Variants in NSMCE2 observed in about 807,000 individuals in gnomAD.
The protein encoded by NSMCE2 is E3 SUMO-protein ligase NSE2.
In NSMCE2, 24 loss-of-function variants were observed where a neutral mutation model predicts 23.8. That is an observed-to-expected ratio of 1.01 (90% CI 0.73 to 1.42). The LOEUF is 1.42. Among genes scored for constraint, NSMCE2 ranks in the 40% most tolerant of loss-of-function variants. The pLI is 0.00. For synonymous variants in NSMCE2, 92 were observed against 94.1 expected (o/e 0.98, Z 0.13); for missense variants, 284 against 296.5 (o/e 0.96, Z 0.31).
chr8:125,218,350 C>T (rs1326456710), intron 5 of NSMCE2, among the ~76,000 whole-genome samples: 1 of 151,426 alleles, frequency 6.6e-6, no homozygotes. Context: ...AGTCACTGTG[C>T]TATTCAAATA....
At chr8:125,162,671 G>C (rs1821687024) in intron 4 of NSMCE2, among the ~76,000 whole-genome samples, 2 of 152,064 alleles carry the variant, frequency 1.3e-5, no homozygotes, top group African/African-American at 4.8e-5. Flanking sequence ...TGCTATATAA[G>C]GGCAAGGTCT....
chr8:125,148,867 A>C (rs543466835), intron 3 of NSMCE2, among the ~76,000 whole-genome samples: 3 of 152,240 alleles, frequency 2.0e-5, no homozygotes, highest in Non-Finnish European at 4.4e-5. Flanking sequence ...AACTAAGTAC[A>C]GTAAAATGCC....
chr8:125,310,815 C>T (rs554895441), intron 5 of NSMCE2, among the ~76,000 whole-genome samples: 1 of 152,246 alleles, frequency 6.6e-6, no homozygotes, highest in African/African-American at 2.4e-5. Context: ...TTGCATCATA[C>T]CTGCTGTTGA....
chr8:125,316,091 G>A (rs74741509), intron 5 of NSMCE2, among the ~76,000 whole-genome samples: 4,942 of 152,246 alleles, frequency 0.032, 250 homozygotes, highest in African/African-American at 0.11. Context: ...ATAGGTATGA[G>A]CCACTACACC....
chr8:125,122,947 A>G (rs956950566), intron 3 of NSMCE2, among the ~76,000 whole-genome samples: 3 of 152,136 alleles, frequency 2.0e-5, no homozygotes, highest in Non-Finnish European at 4.4e-5. Flanking sequence ...AAACAAATGG[A>G]TGTGATTTGA....
rs200860351 is a variant in NSMCE2, at chr8:125,357,780, C to A, written c.588C>A (p.Arg196=). ...GHTYEEDAIV[R]MIESRQKRKK... is the part of the protein sequence containing the mutation. Reference sequence around the variant, plus strand: ...CCTATGAAGAGGACGCCATTGTTCGCATGATTGAGTCCAGGCAAAAGCGGA... The same window carrying A: ...CCTATGAAGAGGACGCCATTGTTCGAATGATTGAGTCCAGGCAAAAGCGGA... Residue 196 remains arginine (R), a synonymous_variant, in exon 7 of 8, where the codon CGC becomes CGA. Transcript: ENST00000287437. The A allele has an allele frequency of 1.2e-6, 2 of 1,613,942 alleles. No homozygotes were observed. The highest frequency in any genetic ancestry group is 1.3e-5 in the African/African-American group (1 of 74,894).
chr8:125,115,928 C>T lies in NSMCE2; in HGVS notation c.157+13441C>T, dbSNP rs150598580. ...GAAATCACTGAAAGAGGTCAATATCCTCATCCTCACTCCACAGAAGGGGAA... is the reference window on the plus strand; with the variant it reads ...GAAATCACTGAAAGAGGTCAATATCTTCATCCTCACTCCACAGAAGGGGAA... On this transcript the variant is annotated intron_variant, in intron 3 of 7. Transcript: ENST00000287437. Among the ~76,000 whole-genome samples, 363 of 152,210 alleles carry T rather than the reference C, an allele frequency of 2.4e-3. 3 individuals carry two copies. Among genetic ancestry groups the T allele is most frequent in the Middle Eastern group, 0.014 (4 of 294 alleles).
At chr8:125,105,825 GT>G (rs1332861245) in intron 3 of NSMCE2, among the ~76,000 whole-genome samples, 1 of 152,162 alleles carries the variant, frequency 6.6e-6, no homozygotes, top group Non-Finnish European at 1.5e-5. Context: ...TTGTCATTAA[GT>G]AATTTTTAAA....
intron 5 of NSMCE2, among the ~76,000 whole-genome samples, chr8:125,201,953 G>A (rs1037101785): frequency 1.3e-5 from 2 of 152,072 alleles, no homozygotes; most frequent in East Asian, 3.9e-4. Flanking sequence ...CGAAGCTTCA[G>A]CCTCGCAGGT....
chr8:125,195,417 A>G (rs1823568412), intron 5 of NSMCE2, among the ~76,000 whole-genome samples: 1 of 152,222 alleles, frequency 6.6e-6, no homozygotes. Context: ...GCAGCTTATT[A>G]TTTAAAAGGG....
chr8:125,245,539 T>C (rs1825924050), intron 5 of NSMCE2, among the ~76,000 whole-genome samples: 1 of 151,804 alleles, frequency 6.6e-6, no homozygotes. Flanking sequence ...TAGAGGAAAA[T>C]TGTTGCCTTA....
intron 5 of NSMCE2, among the ~76,000 whole-genome samples, chr8:125,303,399 A>G (rs1310332968): frequency 6.6e-6 from 1 of 152,192 alleles, no homozygotes; most frequent in Non-Finnish European, 1.5e-5. Flanking sequence ...CTACCCAATG[A>G]TCATCTTAAC....
At chr8:125,266,573 C>T (rs572697361) in intron 5 of NSMCE2, among the ~76,000 whole-genome samples, 11 of 152,164 alleles carry the variant, frequency 7.2e-5, no homozygotes, top group South Asian at 2.1e-4. Flanking sequence ...AATGTATTAT[C>T]AATTTGTCCT....
chr8:125,185,009 AAAGAGTTCTTTT>A (rs1473078709), intron 5 of NSMCE2, among the ~76,000 whole-genome samples: 3 of 152,250 alleles, frequency 2.0e-5, no homozygotes, highest in African/African-American at 7.2e-5. Context: ...ACATAGATCC[AAAGAGTTCTTTT>A]ATGAAAATAA....
At chr8:125,093,100 G>A (rs1352591391) in intron 1 of NSMCE2, among the ~76,000 whole-genome samples, 1 of 152,196 alleles carries the variant, frequency 6.6e-6, no homozygotes, top group Non-Finnish European at 1.5e-5. Flanking sequence ...TAACGGAAAT[G>A]CCATAAACTA....
chr8:125,173,049 C>T (rs1822298669), intron 4 of NSMCE2, among the ~76,000 whole-genome samples: 1 of 152,178 alleles, frequency 6.6e-6, no homozygotes, highest in South Asian at 2.1e-4. Context: ...GTTCCAGACA[C>T]ACACCTCCCT....
intron 3 of NSMCE2, among the ~76,000 whole-genome samples, chr8:125,111,972 T>C (rs1818775361): frequency 6.6e-6 from 1 of 152,166 alleles, no homozygotes; most frequent in Non-Finnish European, 1.5e-5. Flanking sequence ...TCTAGTTGAG[T>C]CGGGGAGATT....
At chr8:125,319,743 A>G (rs1302396639) in intron 5 of NSMCE2, among the ~76,000 whole-genome samples, 1 of 152,190 alleles carries the variant, frequency 6.6e-6, no homozygotes, top group Non-Finnish European at 1.5e-5. Context: ...AAAAATGAAC[A>G]GGGCACCAGT....
At chr8:125,099,244 A>G (rs948573533) in intron 1 of NSMCE2, among the ~76,000 whole-genome samples, 1 of 152,162 alleles carries the variant, frequency 6.6e-6, no homozygotes, top group Non-Finnish European at 1.5e-5. Flanking sequence ...CAGAAGCAGA[A>G]GGGTGGGAAT....
Sources: allele counts gnomAD v4.1 joint callset (sites outside exome capture counted in the v4.1 genomes callset), GRCh38; gene constraint gnomAD v4.1.1; transcripts MANE v1.5; gene names NCBI Gene and HGNC (gene_info 2026-07-23, HGNC 2026-07-21).